Variants in SBF2 observed in about 807,000 individuals in gnomAD.
SBF2 encodes myotubularin-related protein 13.
In SBF2, 112 loss-of-function variants were observed where a neutral mutation model predicts 225.2. That is an observed-to-expected ratio of 0.50 (90% confidence interval 0.43 to 0.58). The LOEUF (loss-of-function observed/expected upper bound fraction) is 0.58, where lower values mean the gene tolerates loss of function less well. Among genes scored for constraint, SBF2 ranks in the 20% least tolerant of loss-of-function variants. The pLI, the probability that SBF2 is intolerant of heterozygous loss-of-function variation, is 0.00. For missense variants in SBF2, 1,996 were observed against 2,206.2 expected (o/e 0.90, Z 1.91); for synonymous variants, 763 against 773.3 (o/e 0.99, Z 0.22).
chr11:9,919,248 C>A (rs1216373894), intron 16 of SBF2, among the ~76,000 whole-genome samples: 4 of 144,516 alleles, frequency 2.8e-5, no homozygotes, highest in Non-Finnish European at 6.0e-5. Flanking sequence ...GAAATAGCCT[C>A]TCCTTTCTTC....
chr11:9,923,747 T>G (rs952930412), intron 16 of SBF2, among the ~76,000 whole-genome samples: 1 of 152,178 alleles, frequency 6.6e-6, no homozygotes, highest in African/African-American at 2.4e-5. Flanking sequence ...TATCTGTACC[T>G]AATTGATTTT....
chr11:9,806,347 G>A (rs922373460), intron 32 of SBF2, among the ~76,000 whole-genome samples: 22 of 152,168 alleles, frequency 1.4e-4, no homozygotes, highest in Non-Finnish European at 2.4e-4. Context: ...GGTGGTATAC[G>A]GAGGCAGGAA....
chr11:9,849,681 T>C (rs961551607), intron 22 of SBF2, among the ~76,000 whole-genome samples: 15 of 152,210 alleles, frequency 9.9e-5, no homozygotes, highest in African/African-American at 1.7e-4. Flanking sequence ...TACAGTTAAC[T>C]GTAGGACTCA....
At chr11:10,133,582 C>T (rs1168051612) in intron 2 of SBF2, among the ~76,000 whole-genome samples, 1 of 139,232 alleles carries the variant, frequency 7.2e-6, no homozygotes, top group Non-Finnish European at 1.6e-5. Context: ...GCCAGCAGGG[C>T]TGCCTGGCTG....
At chr11:9,926,605 C>A (rs1445524880) in intron 16 of SBF2, among the ~76,000 whole-genome samples, 1 of 151,908 alleles carries the variant, frequency 6.6e-6, no homozygotes, top group Non-Finnish European at 1.5e-5. Flanking sequence ...AAGATCCACG[C>A]AAAGAGTATA....
chr11:9,933,946 C>G (rs1481518813), intron 16 of SBF2, among the ~76,000 whole-genome samples: 1 of 151,882 alleles, frequency 6.6e-6, no homozygotes, highest in African/African-American at 2.4e-5. Context: ...AGAGAAGAAT[C>G]AAACAGATGC....
rs533204287 is a variant in SBF2 at position 10,259,552 on chromosome 11, A to G, written c.55+34463T>C. On this transcript the variant is annotated intron_variant, in intron 1 of 39. Transcript: ENST00000256190. ...TGCTTTTCAAAAAATGTATTAGTAC[A>G]CTGTAGCCACAAGGCCTTAGCCACA... 1.8e-4 allele frequency among the ~76,000 whole-genome samples: 27 copies of G among 152,352 alleles called. No individual in the cohort carries two copies. In the Middle Eastern group the frequency reaches 0.014, roughly 77 times the overall value.
At chr11:10,289,703 T>TGCCCTC (rs1252382251) in intron 1 of SBF2, among the ~76,000 whole-genome samples, 1 of 152,070 alleles carries the variant, frequency 6.6e-6, no homozygotes, top group Non-Finnish European at 1.5e-5. Flanking sequence ...AGGAACCCGG[T>TGCCCTC]GCCCTCGGCA....
At chr11:9,822,507 G>A (rs1324108103) in intron 28 of SBF2, among the ~76,000 whole-genome samples, 1 of 152,038 alleles carries the variant, frequency 6.6e-6, no homozygotes, top group African/African-American at 2.4e-5. Flanking sequence ...TGATCCGCCC[G>A]CCTCGGCCTC....
At chr11:9,828,853 CTTTA>C (rs1490905034) in intron 28 of SBF2, among the ~76,000 whole-genome samples, 2 of 151,930 alleles carry the variant, frequency 1.3e-5, no homozygotes, top group East Asian at 1.9e-4. Context: ...TAAAGGGTGA[CTTTA>C]TTTATATTTC....
At chr11:10,106,522 T>A (rs929646996) in intron 2 of SBF2, among the ~76,000 whole-genome samples, 1 of 151,486 alleles carries the variant, frequency 6.6e-6, no homozygotes, top group Non-Finnish European at 1.5e-5. Context: ...CCAGGTGGCG[T>A]ATGCCTGGAG....
At chr11:10,048,469 A>G (rs539575443) in intron 2 of SBF2, among the ~76,000 whole-genome samples, 2 of 152,336 alleles carry the variant, frequency 1.3e-5, no homozygotes, top group Non-Finnish European at 2.9e-5. Context: ...CACATTTGCA[A>G]TAAAAAAGTC....
At chr11:9,925,575 C>T (rs1393538704) in intron 16 of SBF2, among the ~76,000 whole-genome samples, 1 of 152,228 alleles carries the variant, frequency 6.6e-6, no homozygotes, top group Non-Finnish European at 1.5e-5. Flanking sequence ...CGTGCCCGTC[C>T]ACTAATGAGA....
intron 2 of SBF2, among the ~76,000 whole-genome samples, chr11:10,120,234 G>A (rs868207520): frequency 3.3e-5 from 5 of 152,278 alleles, no homozygotes; most frequent in Non-Finnish European, 4.4e-5. Flanking sequence ...TGTTCTCATG[G>A]TTTATCCATG....
chr11:9,871,575 T>C (rs1353071936), intron 17 of SBF2, among the ~76,000 whole-genome samples: 1 of 151,438 alleles, frequency 6.6e-6, no homozygotes, highest in African/African-American at 2.4e-5. Context: ...CACTGCAAGC[T>C]CCGCCTCCTG....
intron 2 of SBF2, among the ~76,000 whole-genome samples, chr11:10,057,965 C>T (rs1398468647): frequency 6.6e-6 from 1 of 151,846 alleles, no homozygotes; most frequent in Non-Finnish European, 1.5e-5. Context: ...AGACCCTACA[C>T]AAAGTCCTGG....
chr11:10,032,946 G>T (rs1341349252), intron 3 of SBF2, among the ~76,000 whole-genome samples: 1 of 152,098 alleles, frequency 6.6e-6, no homozygotes, highest in Non-Finnish European at 1.5e-5. Flanking sequence ...AGCTCATTTA[G>T]TTTCTAGTAC....
At chr11:10,275,875 T>C (rs551339611) in intron 1 of SBF2, among the ~76,000 whole-genome samples, 3 of 152,308 alleles carry the variant, frequency 2.0e-5, no homozygotes, top group African/African-American at 7.2e-5. Flanking sequence ...AAAAATGTGA[T>C]GTTTCATTGC....
chr11:10,207,321 T>C (rs1233695141), intron 1 of SBF2, among the ~76,000 whole-genome samples: 3 of 152,026 alleles, frequency 2.0e-5, no homozygotes, highest in Admixed American at 6.5e-5. Flanking sequence ...TACACTAACA[T>C]TGAAGATTGG....
Sources: gnomAD v4.1 joint callset for allele counts (sites outside exome capture counted in the v4.1 genomes callset) on GRCh38, gnomAD v4.1.1 for gene constraint, MANE v1.5 for transcripts, NCBI Gene and HGNC (gene_info 2026-07-23, HGNC 2026-07-21) for gene names.